The following RBMS1 variants were observed in gnomAD, a reference collection of about 807,000 sequenced individuals.
RBMS1 encodes the protein RNA binding motif single stranded interacting protein 1.
In RBMS1, 17 loss-of-function variants were observed where a neutral mutation model predicts 62.3. That is an observed-to-expected ratio of 0.27 (90% CI 0.19 to 0.41). RBMS1 has a LOEUF of 0.41. Among genes scored for constraint, RBMS1 ranks in the 10% least tolerant of loss-of-function variants. The pLI is 1.00. For synonymous variants in RBMS1, 172 were observed against 170.0 expected (o/e 1.01, Z -0.09); for missense variants, 334 against 504.5 (o/e 0.66, Z 3.24).
chr2:160,442,955 C>T (rs1188518252), intron 1 of RBMS1, among the ~76,000 whole-genome samples: 1 of 152,138 alleles, frequency 6.6e-6, no homozygotes, highest in African/African-American at 2.4e-5. Flanking sequence ...CCTGTAATCT[C>T]AGCACTTTGG....
At chr2:160,305,870 G>A (rs1689477567) in intron 4 of RBMS1, among the ~76,000 whole-genome samples, 1 of 152,120 alleles carries the variant, frequency 6.6e-6, no homozygotes, top group Non-Finnish European at 1.5e-5. Flanking sequence ...GCCAGGCACA[G>A]TGGCTCACAC....
At chr2:160,454,769 G>A (rs1684149178) in intron 1 of RBMS1, among the ~76,000 whole-genome samples, 1 of 152,200 alleles carries the variant, frequency 6.6e-6, no homozygotes, top group African/African-American at 2.4e-5. Context: ...TTTAGGTAGT[G>A]GGGGTGGGGC....
At chr2:160,360,409 T>C (rs140884385) in intron 2 of RBMS1, among the ~76,000 whole-genome samples, 256 of 152,290 alleles carry the variant, frequency 1.7e-3, no homozygotes, top group Non-Finnish European at 3.2e-3. Flanking sequence ...GCTACTCTTC[T>C]ACTCCAACAG....
intron 1 of RBMS1, among the ~76,000 whole-genome samples, chr2:160,444,124 T>G (rs769260018): frequency 7.9e-5 from 12 of 152,252 alleles, no homozygotes; most frequent in Non-Finnish European, 1.6e-4. Context: ...TTTTTTATTG[T>G]ACAGGTAGAA....
chr2:160,471,735 A>T (rs1374514413), intron 1 of RBMS1, among the ~76,000 whole-genome samples: 1 of 134,770 alleles, frequency 7.4e-6, no homozygotes, highest in Non-Finnish European at 1.6e-5. Context: ...ATACATTCTG[A>T]TTATAAGTAG....
intron 1 of RBMS1, among the ~76,000 whole-genome samples, chr2:160,454,936 A>G (rs1684155338): frequency 6.6e-6 from 1 of 152,260 alleles, no homozygotes; most frequent in Non-Finnish European, 1.5e-5. Flanking sequence ...AACATCCATC[A>G]GTAAACATTA....
chr2:160,385,473 A>C (rs779061454), intron 1 of RBMS1, among the ~76,000 whole-genome samples: 48 of 152,364 alleles, frequency 3.2e-4, no homozygotes, highest in Middle Eastern at 3.4e-3. Flanking sequence ...TGGGAGAGCC[A>C]CTTCCCCAGA....
At chr2:160,489,112 C>G (rs974817949) in intron 1 of RBMS1, among the ~76,000 whole-genome samples, 1 of 152,118 alleles carries the variant, frequency 6.6e-6, no homozygotes, top group African/African-American at 2.4e-5. Context: ...TGGCTCCCAA[C>G]ATAGGGGAAA....
intron 4 of RBMS1, among the ~76,000 whole-genome samples, 183 bp downstream of exon 4, chr2:160,312,973 C>T (rs1487751781): frequency 6.6e-6 from 1 of 152,144 alleles, no homozygotes; most frequent in Non-Finnish European, 1.5e-5. Flanking sequence ...GATTAAGTTA[C>T]AAGGAACAGT....
At position 160,455,675 on chromosome 2, in the gene RBMS1, T is replaced by C. The variant is rs372892914; in HGVS notation, c.75+37614A>G. ...CACATACAATGTAATATAAACTCCA[T>C]TCCCAAGCTTTTTTTTTTTTTTTTT... is the stretch of plus-strand genomic sequence containing the variant. On this transcript the variant is annotated intron_variant, in intron 1 of 13. Transcript: ENST00000348849. Among the ~76,000 whole-genome samples, 11 of 147,120 alleles carry C rather than the reference T, an allele frequency of 7.5e-5. No individual in the cohort carries two copies. In the East Asian group the frequency reaches 2.0e-3, roughly 26 times the overall value.
chr2:160,405,920 AG>A (rs963521395), intron 1 of RBMS1, among the ~76,000 whole-genome samples: 1 of 152,086 alleles, frequency 6.6e-6, no homozygotes, highest in Admixed American at 6.5e-5. Context: ...GTGGGGGAGG[AG>A]GGGTTGCAAG....
intron 6 of RBMS1, among the ~76,000 whole-genome samples, chr2:160,296,527 G>A (rs72969038): frequency 0.032 from 4,894 of 152,256 alleles, 141 homozygotes; most frequent in Middle Eastern, 0.11. Flanking sequence ...GAGCTACGGC[G>A]GAATAAATAC....
rs59767882 is a variant in RBMS1 at position 160,348,973 on chromosome 2, A to C, written c.251+18243T>G. Among the ~76,000 whole-genome samples, 649 of 152,262 alleles carry C rather than the reference A, an allele frequency of 4.3e-3. 2 individuals carry two copies. The highest frequency in any genetic ancestry group is 0.015 in the African/African-American group (623 of 41,576). Reference sequence around the variant, plus strand: ...ATTTAATACCAAAAAATCTGAAACAAGCAAGGTTCCAGGACCTTAGAAAGA... The same window carrying C: ...ATTTAATACCAAAAAATCTGAAACACGCAAGGTTCCAGGACCTTAGAAAGA... On this transcript the variant is annotated intron_variant, in intron 2 of 13. Coordinates refer to ENST00000348849, the MANE Select transcript of RBMS1 (RefSeq NM_016836.4).
At chr2:160,304,441 T>TA (rs1045627846) in intron 4 of RBMS1, among the ~76,000 whole-genome samples, 1 of 152,214 alleles carries the variant, frequency 6.6e-6, no homozygotes, top group Non-Finnish European at 1.5e-5. Context: ...CTAATACCAG[T>TA]AAGTAACACC....
chr2:160,458,601 A>T (rs1015769445), intron 1 of RBMS1, among the ~76,000 whole-genome samples: 2 of 152,178 alleles, frequency 1.3e-5, no homozygotes, highest in Non-Finnish European at 2.9e-5. Context: ...GCTTGAAACC[A>T]GCCTGGGCAA....
chr2:160,357,045 G>A (rs1176520629), intron 2 of RBMS1, among the ~76,000 whole-genome samples: 1 of 151,968 alleles, frequency 6.6e-6, no homozygotes, highest in Non-Finnish European at 1.5e-5. Context: ...ATAAAACCAA[G>A]CACAACTGCC....
chr2:160,466,861 T>C (rs952972960), intron 1 of RBMS1, among the ~76,000 whole-genome samples: 1 of 152,244 alleles, frequency 6.6e-6, no homozygotes, highest in African/African-American at 2.4e-5. Context: ...TTACCTGCCA[T>C]ATGACCTTGG....
At chr2:160,481,456 CATTAAA>C (rs1182951844) in intron 1 of RBMS1, among the ~76,000 whole-genome samples, 1 of 151,002 alleles carries the variant, frequency 6.6e-6, no homozygotes, top group Non-Finnish European at 1.5e-5. Flanking sequence ...AATTTTACTT[CATTAAA>C]ATTAAGAACT....
chr2:160,350,143 T>C (rs1287958548), intron 2 of RBMS1, among the ~76,000 whole-genome samples: 2 of 151,298 alleles, frequency 1.3e-5, no homozygotes, highest in African/African-American at 4.9e-5. Context: ...GCAGAAAATA[T>C]AAGGTCTTGT....
Sources: gnomAD v4.1 joint callset for allele counts (sites outside exome capture counted in the v4.1 genomes callset) on GRCh38, gnomAD v4.1.1 for gene constraint, MANE v1.5 for transcripts, NCBI Gene and HGNC (gene_info 2026-07-23, HGNC 2026-07-21) for gene names.